Variants in SLC6A3 observed in about 807,000 individuals in gnomAD.
SLC6A3 encodes the protein sodium-dependent dopamine transporter.
SLC6A3 carries 19 observed loss-of-function variants against 70.4 expected under a neutral mutation model. The ratio of observed to expected loss-of-function variants is 0.27; its 90% CI spans 0.19 to 0.40. SLC6A3 has a LOEUF of 0.40. Among genes scored for constraint, SLC6A3 ranks in the 10% least tolerant of loss-of-function variants. SLC6A3 has a pLI of 1.00. For synonymous variants in SLC6A3, 368 were observed against 356.6 expected, an observed-to-expected ratio of 1.03 and a Z score of -0.36; for missense variants, 613 against 838.5, an observed-to-expected ratio of 0.73 and a Z score of 3.32.
At chr5:1,399,280 A>G (rs192703832) in intron 14 of SLC6A3, among the ~76,000 whole-genome samples, 53 of 152,370 alleles carry the variant, frequency 3.5e-4, no homozygotes, top group African/African-American at 1.3e-3. Context: ...TAGAACTAAA[A>G]GATAAAGAAA....
chr5:1,432,548 G>A lies in SLC6A3; in HGVS notation c.569C>T (p.Ser190Leu), dbSNP rs1483254325. The A allele has an allele frequency of 1.5e-5, 25 of 1,614,108 alleles. No individual in the cohort carries two copies. The highest frequency in any genetic ancestry group is 1.6e-4 in the Middle Eastern group (1 of 6,084). Residue 190 changes from serine (S) to leucine (L), a missense_variant, in exon 4 of 15, where the codon TCG becomes TTG. Coordinates refer to ENST00000270349, the MANE Select transcript of SLC6A3 (RefSeq NM_001044.5). Reference protein sequence around the residue: ...CNNSWNSPNCSDAHPGDSSGD... With the variant: ...CNNSWNSPNCLDAHPGDSSGD... ...ACTGGAGTCACCAGGATGGGCATCC[G>A]AGCAGTTGGGGCTGTTCCAGGAGTT...
intron 1 of SLC6A3, among the ~76,000 whole-genome samples, chr5:1,444,281 G>A (rs1267593055): frequency 6.6e-6 from 1 of 152,086 alleles, no homozygotes; most frequent in African/African-American, 2.4e-5. Context: ...GAGCAGGAGC[G>A]TCTACACCGC....
chr5:1,419,771 G>A (rs142019774), intron 6 of SLC6A3, among the ~76,000 whole-genome samples: 41 of 152,134 alleles, frequency 2.7e-4, no homozygotes, highest in Non-Finnish European at 1.3e-4. Context: ...CCCCTTCAGT[G>A]CTGCAGGCAC....
In SLC6A3 at chr5:1,437,789, T is replaced by A. The variant is rs1756873608; in HGVS notation, c.418+3570A>T. Among the ~76,000 whole-genome samples, 1 of 152,256 alleles carries A rather than the reference T, an allele frequency of 6.6e-6. No homozygotes were observed. Among genetic ancestry groups the A allele is most frequent in the Non-Finnish European group, 1.5e-5 (1 of 68,038 alleles). On this transcript the variant is annotated intron_variant, in intron 3 of 14. Coordinates refer to ENST00000270349, the MANE Select transcript of SLC6A3 (RefSeq NM_001044.5). The surrounding 1 kb of genome is among the most constrained non-coding windows in gnomAD (Gnocchi z 4.8). Reference sequence around the variant, plus strand: ...CTGGAGAGCTGGCTTCATTCCCCCATGGAATTGCCACCTGCTCAGGGCTGG... The same window carrying A: ...CTGGAGAGCTGGCTTCATTCCCCCAAGGAATTGCCACCTGCTCAGGGCTGG...
intron 7 of SLC6A3, 98 bp from the exon 8 acceptor site, chr5:1,414,913 G>T: frequency 3.3e-6 from 5 of 1,520,232 alleles, no homozygotes; most frequent in East Asian, 4.5e-5. Context: ...GGGGAAGGGG[G>T]CGGGAGGTCT....
In SLC6A3 at chr5:1,442,997, G is replaced by C; in HGVS notation, c.201C>G (p.Ile67Met). The C allele has an allele frequency of 3.7e-6, 6 of 1,614,176 alleles. No homozygotes were observed. The South Asian group carries it at 4.4e-5, about 12-fold the overall frequency. The part of the protein sequence containing the change: ...AQDRETWGKK[I>M]DFLLSVIGFA... ...AGCCAATGACGGACAGGAGAAAGTC[G>C]ATCTTCTTGCCCCAGGTCTCCCGAT... is the stretch of plus-strand genomic sequence containing the variant. The change falls in exon 2 of 15, where the codon ATC becomes ATG. Residue 67 changes from isoleucine to methionine, a missense_variant. Transcript: ENST00000270349. The surrounding 1 kb of genome is among the most constrained non-coding windows in gnomAD (Gnocchi z 5.0).
At chr5:1,426,701 T>C (rs1477981113) in intron 4 of SLC6A3, among the ~76,000 whole-genome samples, 2 of 152,226 alleles carry the variant, frequency 1.3e-5, no homozygotes, top group Non-Finnish European at 1.5e-5. Flanking sequence ...CACAAAAAAA[T>C]AAGTGATTCT....
chr5:1,436,004 C>A lies in SLC6A3; in HGVS notation c.419-3306G>T, dbSNP rs1221733721. Reference sequence around the variant, plus strand: ...CTTGAACAGTGGTGGCCAGTCCCCTCCTGGATGCTTCCCTGGGCACCTGGG... The same window carrying A: ...CTTGAACAGTGGTGGCCAGTCCCCTACTGGATGCTTCCCTGGGCACCTGGG... On this transcript the variant is annotated intron_variant, in intron 3 of 14. Coordinates refer to ENST00000270349, the MANE Select transcript of SLC6A3 (RefSeq NM_001044.5). The surrounding 1 kb of genome is among the most constrained non-coding windows in gnomAD (Gnocchi z 5.2). 7.1e-6 allele frequency among the ~76,000 whole-genome samples: 1 copy of A among 140,864 alleles called. No individual in the cohort carries two copies. Among genetic ancestry groups the A allele is most frequent in the Non-Finnish European group, 1.5e-5 (1 of 64,734 alleles). The allele number at this position is 140,864 out of a possible 152,430, so 92.4% of individuals were successfully genotyped here. A position where few individuals can be genotyped will look rare whatever the true frequency, so the allele number is the denominator to read the frequency against.
intron 4 of SLC6A3, among the ~76,000 whole-genome samples, chr5:1,427,483 G>T (rs950811297): frequency 9.2e-5 from 14 of 152,112 alleles, no homozygotes; most frequent in African/African-American, 3.4e-4. Context: ...AAGAGAGGGG[G>T]CAAAAAATTA....
intron 12 of SLC6A3, among the ~76,000 whole-genome samples, chr5:1,403,855 A>G (rs900772054): frequency 6.6e-6 from 1 of 152,160 alleles, no homozygotes; most frequent in African/African-American, 2.4e-5. Flanking sequence ...GAGGCAGCTC[A>G]TGCATTTGTT....
At chr5:1,416,024 C>T in intron 7 of SLC6A3, 74 bp downstream of exon 7, 1 of 1,125,738 alleles carries the variant, frequency 8.9e-7, no homozygotes, top group South Asian at 1.2e-5. Context: ...CATCCAGGGA[C>T]ACCCTATTTC....
chr5:1,399,917 T>A (rs988586194), intron 14 of SLC6A3, among the ~76,000 whole-genome samples: 5 of 152,154 alleles, frequency 3.3e-5, no homozygotes, highest in African/African-American at 4.8e-5. Context: ...TCCCTCTGCC[T>A]GTATCCTTGC....
chr5:1,432,453 C>A lies in SLC6A3; in HGVS notation c.653+11G>T, dbSNP rs768477286. The A allele has an allele frequency of 1.2e-6, 2 of 1,605,286 alleles. No individual in the cohort carries two copies. Among genetic ancestry groups the A allele is most frequent in the Non-Finnish European group, 1.7e-6 (2 of 1,171,994 alleles). ...ATCTCTCCCGTTCCCGAGGACCCGA[C>A]TCCCACTTACTCAAAGTACTCGGCA... On this transcript the variant is annotated intron_variant, in intron 4 of 14. Transcript: ENST00000270349.
chr5:1,441,617 C>T (rs750298051), intron 2 of SLC6A3, 127 bp from the exon 3 acceptor site: 133 of 1,099,226 alleles, frequency 1.2e-4, no homozygotes, highest in Middle Eastern at 2.5e-4. Flanking sequence ...CACTCTCCAA[C>T]GGGAAGTCCC....
chr5:1,418,914 T>C (rs1323830128), intron 6 of SLC6A3, among the ~76,000 whole-genome samples: 14 of 108,110 alleles, frequency 1.3e-4, no homozygotes, highest in South Asian at 1.0e-3. Flanking sequence ...ATCCACCCAT[T>C]CACCCATCCA....
At chr5:1,395,066 G>GT (rs1755682920) in intron 14 of SLC6A3, among the ~76,000 whole-genome samples, 1 of 152,230 alleles carries the variant, frequency 6.6e-6, no homozygotes, top group Non-Finnish European at 1.5e-5. Context: ...CTGAGTCTGA[G>GT]AGATGCCGGG....
At position 1,401,280 on chromosome 5, in the gene SLC6A3, C is replaced by A; in HGVS notation, c.1768-294G>T. ...TTTGAGCACTCGCTTGAAAATAAAA[C>A]GTGGTCCTGGAGATGGCTCTTGAGT... is the stretch of plus-strand genomic sequence containing the variant. On this transcript the variant is annotated intron_variant, in intron 13 of 14. Transcript: ENST00000270349. The surrounding 1 kb of genome is among the most constrained non-coding windows in gnomAD (Gnocchi z 6.1). 1.6e-6 allele frequency: 1 copy of A among 622,576 alleles called. No homozygotes were observed. Among genetic ancestry groups the A allele is most frequent in the Non-Finnish European group, 3.0e-6 (1 of 333,840 alleles). 38.6% of individuals were successfully genotyped at this position (622,576 alleles called of 1,614,324 possible). A position where few individuals can be genotyped will look rare whatever the true frequency, so the allele number is the denominator to read the frequency against.
intron 6 of SLC6A3, among the ~76,000 whole-genome samples, chr5:1,417,154 C>T (rs1413848707): frequency 1.6e-4 from 25 of 151,934 alleles, no homozygotes; most frequent in Admixed American, 1.4e-3. Context: ...CAGAACAGCA[C>T]AGACTCAACC....
At chr5:1,439,470 G>A (rs1332928373) in intron 3 of SLC6A3, among the ~76,000 whole-genome samples, 1 of 152,204 alleles carries the variant, frequency 6.6e-6, no homozygotes, top group Non-Finnish European at 1.5e-5. Flanking sequence ...TCGTGCCTGG[G>A]AAGAACCATC....
Sources: gnomAD v4.1 joint callset for allele counts (sites outside exome capture counted in the v4.1 genomes callset) on GRCh38, gnomAD v4.1.1 for gene constraint, Gnocchi (gnomAD v3.1) non-coding constraint, MANE v1.5 for transcripts, NCBI Gene and HGNC (gene_info 2026-07-23, HGNC 2026-07-21) for gene names.